CMYA5: variants seen among roughly 807,000 people sequenced by gnomAD.
The protein encoded by CMYA5 is cardiomyopathy-associated protein 5.
CMYA5 carries 246 observed loss-of-function variants against 318.9 expected under a neutral mutation model. The ratio of observed to expected loss-of-function variants is 0.77; its 90% confidence interval spans 0.70 to 0.86. The LOEUF is 0.86. Among genes scored for constraint, CMYA5 ranks in the 40% least tolerant of loss-of-function variants. The pLI is 0.00. For synonymous variants in CMYA5, 1,641 were observed against 1,729.5 expected, an observed-to-expected ratio of 0.95 and a Z score of 1.27; for missense variants, 4,589 against 4,678.2, an observed-to-expected ratio of 0.98 and a Z score of 0.56.
chr5:79,708,566 A>T (rs1398552153), intron 1 of CMYA5, among the ~76,000 whole-genome samples: 2 of 151,928 alleles, frequency 1.3e-5, no homozygotes, highest in Non-Finnish European at 2.9e-5. Flanking sequence ...CGGAGCTTGC[A>T]GTGAGCTGAG....
chr5:79,704,068 G>T (rs1827221371), intron 1 of CMYA5, among the ~76,000 whole-genome samples: 2 of 151,976 alleles, frequency 1.3e-5, no homozygotes, highest in African/African-American at 4.8e-5. Context: ...TTCAGCTTGG[G>T]CAGCAAAGTG....
chr5:79,714,431 C>CTTTTTTTT (rs71615553), intron 1 of CMYA5, among the ~76,000 whole-genome samples: 40 of 100,682 alleles, frequency 4.0e-4, no homozygotes, highest in African/African-American at 8.2e-4. Flanking sequence ...TTTTCTTTTT[C>CTTTTTTTT]TTTTTTTTTT....
chr5:79,744,573 A>T (rs997131930), intron 3 of CMYA5, among the ~76,000 whole-genome samples: 1 of 152,222 alleles, frequency 6.6e-6, no homozygotes, highest in Non-Finnish European at 1.5e-5. Flanking sequence ...GGGCCGCTCC[A>T]CATGCTGGTT....
intron 4 of CMYA5, among the ~76,000 whole-genome samples, chr5:79,746,543 A>G (rs889808057): frequency 7.7e-6 from 1 of 130,122 alleles, no homozygotes; most frequent in African/African-American, 3.3e-5. Context: ...AGAAGAGCAA[A>G]CTGTAAAAAA....
chr5:79,769,894 G>A (rs1444175425), intron 9 of CMYA5, among the ~76,000 whole-genome samples: 1 of 152,198 alleles, frequency 6.6e-6, no homozygotes, highest in Admixed American at 6.5e-5. Flanking sequence ...TGCTGAAGCT[G>A]TGTCCACAAC....
At chr5:79,725,420 A>G (rs537201425) in intron 1 of CMYA5, among the ~76,000 whole-genome samples, 60 of 152,346 alleles carry the variant, frequency 3.9e-4, no homozygotes, top group African/African-American at 1.4e-3. Context: ...TTTTGGGTAC[A>G]CATGGACATA....
At chr5:79,764,157 C>G (rs1390772862) in intron 9 of CMYA5, among the ~76,000 whole-genome samples, 1 of 151,936 alleles carries the variant, frequency 6.6e-6, no homozygotes, top group African/African-American at 2.4e-5. Flanking sequence ...CCCTACCCCC[C>G]TGCCCCCAAA....
intron 1 of CMYA5, among the ~76,000 whole-genome samples, chr5:79,712,200 A>G (rs1827405458): frequency 6.6e-6 from 1 of 151,912 alleles, no homozygotes. Context: ...TTGGTGTTTT[A>G]TTTATTTATT....
intron 1 of CMYA5, among the ~76,000 whole-genome samples, chr5:79,710,994 T>A (rs1472066919): frequency 2.6e-5 from 4 of 152,218 alleles, no homozygotes; most frequent in Non-Finnish European, 4.4e-5. Flanking sequence ...ATAATCTAAC[T>A]TATTCCAATA....
Position 79,732,140 on chromosome 5 carries a change from C to T in CMYA5, c.3375C>T (p.Asp1125=). ...TQAYLEPESE[D]LIPSHLTSEV... is the part of the protein sequence containing the mutation. Reference sequence around the variant, plus strand: ...CATATTTAGAGCCTGAGTCTGAAGACTTGATTCCTTCACATTTAACCAGTG... The same window carrying T: ...CATATTTAGAGCCTGAGTCTGAAGATTTGATTCCTTCACATTTAACCAGTG... Residue 1125 remains aspartate, a synonymous_variant, in exon 2 of 13, where the codon GAC becomes GAT. Coordinates refer to ENST00000446378, the MANE Select transcript of CMYA5 (RefSeq NM_153610.5). 1 of 1,613,944 alleles carries T rather than the reference C, an allele frequency of 6.2e-7. No individual in the cohort carries two copies. The highest frequency in any genetic ancestry group is 8.5e-7 in the Non-Finnish European group (1 of 1,179,870).
intron 11 of CMYA5, among the ~76,000 whole-genome samples, chr5:79,792,410 A>C (rs892739823): frequency 2.0e-5 from 3 of 152,206 alleles, no homozygotes; most frequent in African/African-American, 7.2e-5. Context: ...AATAGACTGG[A>C]GGAGGGTAAG....
At chr5:79,721,929 A>G (rs898379370) in intron 1 of CMYA5, among the ~76,000 whole-genome samples, 2 of 152,238 alleles carry the variant, frequency 1.3e-5, no homozygotes, top group Non-Finnish European at 2.9e-5. Flanking sequence ...AAAAAATATT[A>G]CTAAGGCTAA....
intron 4 of CMYA5, 53 bp downstream of exon 4, chr5:79,745,508 T>C: frequency 9.0e-7 from 1 of 1,114,100 alleles, no homozygotes; most frequent in Non-Finnish European, 1.4e-6. Context: ...CTGGCACATC[T>C]ACTTTTAAAG....
rs73773430 is a variant in CMYA5 at position 79,736,567 on chromosome 5, T to C, written c.7802T>C (p.Met2601Thr). The C allele has an allele frequency of 2.3e-3, 3,785 of 1,613,670 alleles. 60 individuals carry two copies. The African/African-American group carries it at 0.043, about 18-fold the overall frequency. Reference protein sequence around the residue: ...ATSVTEKSEAMLAEAHPEIRE... With the variant: ...ATSVTEKSEATLAEAHPEIRE... ...TCAGTTACTGAAAAATCAGAAGCCA[T>C]GCTCGCAGAGGCTCACCCAGAAATC... is the stretch of plus-strand genomic sequence containing the variant. The change falls in exon 2 of 13, where the codon ATG becomes ACG. Residue 2601 changes from methionine to threonine, a missense_variant. Coordinates refer to ENST00000446378, the MANE Select transcript of CMYA5 (RefSeq NM_153610.5).
intron 1 of CMYA5, among the ~76,000 whole-genome samples, chr5:79,713,684 T>C (rs1290387467): frequency 7.7e-6 from 1 of 129,348 alleles, no homozygotes; most frequent in African/African-American, 2.8e-5. Context: ...CAAATGGCTC[T>C]TTTTTAACTC....
At chr5:79,763,519 G>GT (rs989079929) in intron 9 of CMYA5, 1 of 293,060 alleles carries the variant, frequency 3.4e-6, no homozygotes, top group Non-Finnish European at 6.5e-6. Context: ...TATTTTATGG[G>GT]TTTTTTACTA....
At chr5:79,695,405 A>G (rs946123404) in intron 1 of CMYA5, among the ~76,000 whole-genome samples, 7 of 152,282 alleles carry the variant, frequency 4.6e-5, no homozygotes, top group African/African-American at 1.7e-4. Context: ...ACATGTAATC[A>G]GTGTAAAACT....
Position 79,734,329 on chromosome 5 carries a change from C to T in CMYA5, c.5564C>T (p.Ser1855Leu), listed in dbSNP as rs762874276. Reference sequence around the variant, plus strand: ...CAAGATCTGGGTATTAAGCAGTTTTCACTTATGAGAGAGAATTTGCCTTTG... The same window carrying T: ...CAAGATCTGGGTATTAAGCAGTTTTTACTTATGAGAGAGAATTTGCCTTTG... ...DKQDLGIKQF[S>L]LMRENLPLEQ... Residue 1855 changes from serine to leucine, a missense_variant, in exon 2 of 13, where the codon TCA (serine) becomes TTA (leucine). Ser to Leu is a moderately radical substitution (Grantham distance 145). This residue lies in a region of CMYA5 where 2,132 missense variants were observed against 2,131.3 expected (regional missense o/e 1.00). Transcript: ENST00000446378. The T allele has an allele frequency of 6.2e-7, 1 of 1,613,842 alleles. No individual in the cohort carries two copies. Among genetic ancestry groups the T allele is most frequent in the Admixed American group, 1.7e-5 (1 of 59,998 alleles).
At chr5:79,787,155 G>A (rs1173616951) in intron 9 of CMYA5, among the ~76,000 whole-genome samples, 1 of 152,180 alleles carries the variant, frequency 6.6e-6, no homozygotes, top group Non-Finnish European at 1.5e-5. Context: ...AATGAAGCCA[G>A]TGTGTTGTCT....
Sources: allele counts gnomAD v4.1 joint callset (sites outside exome capture counted in the v4.1 genomes callset), GRCh38; gene constraint gnomAD v4.1.1; regional missense constraint gnomAD v4.1.1; transcripts MANE v1.5; gene names NCBI Gene and HGNC (gene_info 2026-07-23, HGNC 2026-07-21).